Variants in NLGN1 observed in about 807,000 individuals in gnomAD.
The protein encoded by NLGN1 is neuroligin 1.
Under a neutral mutation model 65.5 loss-of-function variants are expected in NLGN1, and 12 were observed. The observed-to-expected ratio is 0.18, with a 90% CI of 0.12 to 0.30. The LOEUF (loss-of-function observed/expected upper bound fraction) is 0.30. Among genes scored for constraint, NLGN1 ranks in the 10% least tolerant of loss-of-function variants. The pLI is 1.00. For missense variants in NLGN1, 750 were observed against 1,007.1 expected (o/e 0.74, Z 3.46); for synonymous variants, 350 against 359.5 (o/e 0.97, Z 0.30).
chr3:173,604,556 T>C (rs1167395061), exon 3 of NLGN1: 2 of 1,598,488 alleles, frequency 1.3e-6, no homozygotes, highest in African/African-American at 2.7e-5. Context: ...ATAAATACGT[T>C]TGCCTCACTG....
intron 2 of NLGN1, among the ~76,000 whole-genome samples, chr3:173,484,300 A>G (rs1576913010): frequency 6.6e-6 from 1 of 152,144 alleles, no homozygotes; most frequent in Admixed American, 6.6e-5. Context: ...TAAGATCTGT[A>G]TGTGAAATTC....
intron 4 of NLGN1, among the ~76,000 whole-genome samples, chr3:173,908,223 C>G (rs1389436966): frequency 6.6e-6 from 1 of 152,152 alleles, no homozygotes; most frequent in Non-Finnish European, 1.5e-5. Flanking sequence ...GTAAAAACAT[C>G]ACACGTATCT....
intron 4 of NLGN1, among the ~76,000 whole-genome samples, chr3:173,992,080 G>A (rs186350059): frequency 4.6e-5 from 7 of 152,008 alleles, no homozygotes; most frequent in East Asian, 1.9e-4. Flanking sequence ...CACCTGCCTC[G>A]GCCTCCCAAA....
intron 1 of NLGN1, chr3:173,399,482 A>G (rs1394224557): frequency 3.9e-5 from 6 of 152,168 alleles, no homozygotes; most frequent in African/African-American, 1.4e-4. Context: ...ACATTTAGTA[A>G]TAACATATTT....
intron 3 of NLGN1, among the ~76,000 whole-genome samples, chr3:173,673,993 A>C (rs1053039226): frequency 3.9e-5 from 6 of 152,022 alleles, no homozygotes; most frequent in Admixed American, 1.3e-4. Context: ...GGTGAAGTAA[A>C]TTTACAAAGT....
chr3:173,875,192 G>C (rs1731892629), intron 4 of NLGN1, among the ~76,000 whole-genome samples: 1 of 152,166 alleles, frequency 6.6e-6, no homozygotes, highest in Non-Finnish European at 1.5e-5. Context: ...GACCACTGCG[G>C]ACATTGAATG....
At chr3:173,685,887 T>G (rs1001485438) in intron 3 of NLGN1, 13 of 778,196 alleles carry the variant, frequency 1.7e-5, no homozygotes, top group Non-Finnish European at 2.0e-5. Flanking sequence ...AAATTAATAC[T>G]TCTTTCACTT....
intron 1 of NLGN1, among the ~76,000 whole-genome samples, chr3:173,419,773 A>G (rs1714624502): frequency 6.6e-6 from 1 of 152,096 alleles, no homozygotes; most frequent in African/African-American, 2.4e-5. Flanking sequence ...GATCAAGACC[A>G]TCCTGGCCAA....
At position 173,573,672 on chromosome 3, in the gene NLGN1, T is replaced by A. The variant is rs1460498475; in HGVS notation, c.-320-30607T>A. Among the ~76,000 whole-genome samples the A allele has an allele frequency of 7.9e-5, 12 of 151,638 alleles. No homozygotes were observed. The East Asian group carries it at 1.7e-3, about 22-fold the overall frequency. The stretch of plus-strand genomic sequence containing the variant: ...TTTTTATGCTATTATTATTATTATT[T>A]TTTCTGTTATATTTGTTTCCTGGTC... On this transcript the variant is annotated intron_variant, in intron 2 of 6. Transcript: ENST00000457714.
chr3:173,472,994 T>C (rs1481475617), intron 2 of NLGN1, among the ~76,000 whole-genome samples: 1 of 152,200 alleles, frequency 6.6e-6, no homozygotes, highest in African/African-American at 2.4e-5. Flanking sequence ...GAGATTCATA[T>C]TTATTTCACA....
At chr3:174,185,807 C>CAAA (rs71162377) in intron 4 of NLGN1, among the ~76,000 whole-genome samples, 1 of 149,360 alleles carries the variant, frequency 6.7e-6, no homozygotes. Context: ...AGAAATTAAC[C>CAAA]AAAAAAAAAC....
At chr3:174,153,735 A>G (rs1471929452) in intron 4 of NLGN1, among the ~76,000 whole-genome samples, 1 of 152,100 alleles carries the variant, frequency 6.6e-6, no homozygotes, top group Non-Finnish European at 1.5e-5. Flanking sequence ...GCTCACATCC[A>G]TAATCCCAGA....
intron 4 of NLGN1, among the ~76,000 whole-genome samples, chr3:174,253,150 T>C (rs1745072132): frequency 6.6e-6 from 1 of 151,926 alleles, no homozygotes; most frequent in Non-Finnish European, 1.5e-5. Flanking sequence ...AAATTATTTC[T>C]TTTTTTCAAC....
chr3:173,579,400 C>T (rs542413996), intron 2 of NLGN1, among the ~76,000 whole-genome samples: 13 of 152,326 alleles, frequency 8.5e-5, no homozygotes, highest in South Asian at 2.1e-4. Flanking sequence ...CACCTGAGCC[C>T]GGGGAGTTTG....
chr3:174,279,103 G>A lies in NLGN1; in HGVS notation c.1102G>A (p.Asp368Asn), dbSNP rs1244665153. The stretch of plus-strand genomic sequence containing the variant: ...GATTGATGGTGATGTAATACCAGAC[G>A]ACCCCCAGATATTGATGGAGCAAGG... The change falls in exon 6 of 7, where the codon GAC becomes AAC. Residue 368 changes from aspartate (D) to asparagine (N), a missense_variant. Transcript: ENST00000457714. The surrounding 1 kb of genome is among the most constrained non-coding windows in gnomAD (Gnocchi z 4.7). The A allele has an allele frequency of 1.9e-6, 3 of 1,613,198 alleles. No homozygotes were observed. Among genetic ancestry groups the A allele is most frequent in the Non-Finnish European group, 2.5e-6 (3 of 1,179,536 alleles).
rs377091114 is a variant in NLGN1, at chr3:173,606,173, A to G, written c.493+1082A>G. On this transcript the variant is annotated intron_variant, in intron 3 of 6. Transcript: ENST00000457714. Reference sequence around the variant, plus strand: ...TCCAGAGGAGAATGAGATTTTGCAGATTTGATACTAAATATTTACAGTCTT... The same window carrying G: ...TCCAGAGGAGAATGAGATTTTGCAGGTTTGATACTAAATATTTACAGTCTT... 3.9e-4 allele frequency among the ~76,000 whole-genome samples: 59 copies of G among 152,156 alleles called. 1 individual carries two copies. The Middle Eastern group carries it at 0.014, about 35-fold the overall frequency.
intron 3 of NLGN1, among the ~76,000 whole-genome samples, chr3:173,791,161 T>C (rs1712630305): frequency 2.0e-5 from 3 of 152,266 alleles, no homozygotes; most frequent in Non-Finnish European, 4.4e-5. Flanking sequence ...AACTCTTTAG[T>C]TTCTTAATCA....
chr3:173,750,827 T>C (rs1375820241), intron 3 of NLGN1, among the ~76,000 whole-genome samples: 5 of 152,072 alleles, frequency 3.3e-5, no homozygotes, highest in Admixed American at 3.3e-4. Context: ...AGCTCTGTTA[T>C]GATGTGTGGA....
intron 3 of NLGN1, among the ~76,000 whole-genome samples, chr3:173,772,209 G>A (rs1779684500): frequency 6.6e-6 from 1 of 152,092 alleles, no homozygotes; most frequent in South Asian, 2.1e-4. Flanking sequence ...AATAGTGTAT[G>A]GTAGGTTTCT....
Sources: gnomAD v4.1 joint callset for allele counts (sites outside exome capture counted in the v4.1 genomes callset) on GRCh38, gnomAD v4.1.1 for gene constraint, Gnocchi (gnomAD v3.1) non-coding constraint, MANE v1.5 for transcripts, NCBI Gene and HGNC (gene_info 2026-07-23, HGNC 2026-07-21) for gene names.